Variants in MKLN1 observed in about 807,000 individuals in gnomAD.
The protein encoded by MKLN1 is muskelin.
In MKLN1, 18 loss-of-function variants were observed where a neutral mutation model predicts 99.0. The observed-to-expected ratio is 0.18, with a 90% CI of 0.13 to 0.27. The LOEUF (loss-of-function observed/expected upper bound fraction) is 0.27. Among genes scored for constraint, MKLN1 ranks in the 10% least tolerant of loss-of-function variants. The probability of loss-of-function intolerance (pLI) is 1.00; values close to 1 mark genes in which losing one functional copy is unlikely to be tolerated. For missense variants in MKLN1, 621 were observed against 875.9 expected (o/e 0.71, Z 3.67); for synonymous variants, 288 against 293.2 (o/e 0.98, Z 0.18).
rs193171291 is a variant in MKLN1 at position 131,245,513 on chromosome 7, G to A, written c.-179+42539G>A. Among the ~76,000 whole-genome samples the A allele has an allele frequency of 1.1e-3, 160 of 152,014 alleles. 1 individual carries two copies. Among genetic ancestry groups the A allele is most frequent in the Middle Eastern group, 3.4e-3 (1 of 292 alleles). On this transcript the variant is annotated intron_variant, in intron 3 of 7. Transcript: ENST00000416992. Reference sequence around the variant, plus strand: ...GAATTCCTGCCCTCAGGTGATCCGCGCCCCCCGCCCCCGGCCTCGGCCTCC... The same window carrying A: ...GAATTCCTGCCCTCAGGTGATCCGCACCCCCCGCCCCCGGCCTCGGCCTCC...
chr7:131,436,056 A>T (rs2116465075), intron 9 of MKLN1, among the ~76,000 whole-genome samples: 1 of 152,198 alleles, frequency 6.6e-6, no homozygotes, highest in Non-Finnish European at 1.5e-5. Flanking sequence ...TGTTTTTGAG[A>T]TTATTTATGG....
chr7:131,178,758 A>G (rs1174443930), intron 2 of MKLN1, among the ~76,000 whole-genome samples: 2 of 152,134 alleles, frequency 1.3e-5, no homozygotes, highest in Non-Finnish European at 2.9e-5. Flanking sequence ...CCTGACATAT[A>G]TCTGCCCAGT....
At chr7:131,323,024 A>T (rs1255480054), upstream of MKLN1, among the ~76,000 whole-genome samples, 1 of 152,188 alleles carries the variant, frequency 6.6e-6, no homozygotes, top group East Asian at 1.9e-4. Flanking sequence ...TTTTGTTGGG[A>T]ACACAGAGCC....
intron 1 of MKLN1, among the ~76,000 whole-genome samples, chr7:131,113,116 G>A (rs1795222198): frequency 6.6e-6 from 1 of 152,230 alleles, no homozygotes; most frequent in Non-Finnish European, 1.5e-5. Flanking sequence ...TCACGCAACA[G>A]TGAGATGATA....
intron 1 of MKLN1, among the ~76,000 whole-genome samples, chr7:131,371,729 C>T (rs1337414638): frequency 6.6e-6 from 1 of 151,150 alleles, no homozygotes; most frequent in African/African-American, 2.4e-5. Flanking sequence ...TTTACCACTA[C>T]TTACCAATAC....
intron 9 of MKLN1, among the ~76,000 whole-genome samples, chr7:131,432,716 G>A (rs1360278573): frequency 6.6e-6 from 1 of 152,140 alleles, no homozygotes; most frequent in Non-Finnish European, 1.5e-5. Flanking sequence ...AAAGTGCTGG[G>A]ATTGCAGGCA....
At position 131,428,165 on chromosome 7, in the gene MKLN1, A is replaced by T. The variant is rs534803043; in HGVS notation, c.848-868A>T. Among the ~76,000 whole-genome samples, 6 of 152,212 alleles carry T rather than the reference A, an allele frequency of 3.9e-5. No individual in the cohort carries two copies. The South Asian group carries it at 1.0e-3, about 26-fold the overall frequency. Reference sequence around the variant, plus strand: ...GGGCAACAGAGAGAGACCGTGTCTCAAAATAAATAAATAAATAAATAATAA... The same window carrying T: ...GGGCAACAGAGAGAGACCGTGTCTCTAAATAAATAAATAAATAAATAATAA... On this transcript the variant is annotated intron_variant, in intron 8 of 17. Coordinates refer to ENST00000352689, the MANE Select transcript of MKLN1 (RefSeq NM_013255.5).
At chr7:131,454,747 C>T (rs1179460987) in intron 12 of MKLN1, among the ~76,000 whole-genome samples, 1 of 152,206 alleles carries the variant, frequency 6.6e-6, no homozygotes, top group Non-Finnish European at 1.5e-5. Context: ...AGAAAGTCTA[C>T]TGGAGGACAT....
chr7:131,306,603 G>A (rs923820727), intron 3 of MKLN1, among the ~76,000 whole-genome samples: 4 of 152,180 alleles, frequency 2.6e-5, no homozygotes, highest in Non-Finnish European at 5.9e-5. Flanking sequence ...ATAAACCTGA[G>A]AAAGATTATT....
intron 9 of MKLN1, among the ~76,000 whole-genome samples, chr7:131,432,161 C>T (rs1409445384): frequency 1.3e-5 from 2 of 152,034 alleles, no homozygotes; most frequent in Non-Finnish European, 2.9e-5. Flanking sequence ...TAAGGATGTG[C>T]ACGTTCTTAC....
chr7:131,310,517 A>C (rs1798546160), intron 3 of MKLN1: 1 of 152,226 alleles, frequency 6.6e-6, no homozygotes, highest in South Asian at 2.1e-4. Context: ...TCTCAGAAGA[A>C]ATAAAACAAT....
At chr7:131,192,053 C>T (rs551171118) in intron 2 of MKLN1, among the ~76,000 whole-genome samples, 3 of 109,026 alleles carry the variant, frequency 2.8e-5, no homozygotes, top group Admixed American at 1.1e-4. Flanking sequence ...TATATGTATA[C>T]ATGTATATAT....
chr7:131,168,156 T>C (rs1344200449), intron 2 of MKLN1, among the ~76,000 whole-genome samples: 2 of 152,220 alleles, frequency 1.3e-5, no homozygotes, highest in Non-Finnish European at 2.9e-5. Flanking sequence ...CTGTTACAAC[T>C]AACTCACCAC....
intron 2 of MKLN1, among the ~76,000 whole-genome samples, chr7:131,161,193 A>G (rs1161430266): frequency 6.6e-6 from 1 of 152,166 alleles, no homozygotes; most frequent in African/African-American, 2.4e-5. Flanking sequence ...CAGTCTAGAG[A>G]AGTGAATGCT....
chr7:131,178,555 T>A (rs991088091), intron 2 of MKLN1, among the ~76,000 whole-genome samples: 1 of 152,224 alleles, frequency 6.6e-6, no homozygotes, highest in Admixed American at 6.5e-5. Context: ...ATGGACATTG[T>A]GTAAGCATCT....
chr7:131,411,550 A>G (rs552551559), intron 7 of MKLN1, among the ~76,000 whole-genome samples, 167 bp downstream of exon 7: 1 of 151,976 alleles, frequency 6.6e-6, no homozygotes, highest in Non-Finnish European at 1.5e-5. Flanking sequence ...AGGCAGGAGG[A>G]TTGCTTGAGC....
rs145244214 is a variant in MKLN1 at position 131,196,326 on chromosome 7, A to G, written c.-296-6531A>G. Among the ~76,000 whole-genome samples, 155 of 152,332 alleles carry G rather than the reference A, an allele frequency of 1.0e-3. 2 individuals carry two copies. Among genetic ancestry groups the G allele is most frequent in the African/African-American group, 3.5e-3 (147 of 41,570 alleles). On this transcript the variant is annotated intron_variant, in intron 2 of 7. Coordinates refer to the MKLN1 transcript ENST00000416992. Reference sequence around the variant, plus strand: ...AATGCAGCTAGGTATCCAACCATTTATAAGAATATATAAACAAGCTTAAGG... The same window carrying G: ...AATGCAGCTAGGTATCCAACCATTTGTAAGAATATATAAACAAGCTTAAGG...
intron 2 of MKLN1, among the ~76,000 whole-genome samples, chr7:131,178,279 CTTTTTTTTTTTTTTTTTTT>C (rs35412933): frequency 1.4e-5 from 1 of 72,532 alleles, no homozygotes; most frequent in Non-Finnish European, 2.8e-5. Context: ...ACATGCCCGG[CTTTTTTTTTTTTTTTTTTT>C]TTTTTTTTTT....
At chr7:131,335,556 A>G (rs959061421) in intron 1 of MKLN1, among the ~76,000 whole-genome samples, 28 of 152,122 alleles carry the variant, frequency 1.8e-4, no homozygotes, top group African/African-American at 6.8e-4. Flanking sequence ...AAACTAGGCT[A>G]TGTTTAGTCC....
Sources: allele counts gnomAD v4.1 joint callset (sites outside exome capture counted in the v4.1 genomes callset), GRCh38; gene constraint gnomAD v4.1.1; transcripts MANE v1.5; gene names NCBI Gene and HGNC (gene_info 2026-07-23, HGNC 2026-07-21).